USP36: variants seen among roughly 807,000 people sequenced by gnomAD.
USP36 encodes the protein ubiquitin carboxyl-terminal hydrolase 36.
A neutral mutation model predicts 111.5 loss-of-function variants in USP36; 59 were observed. The observed-to-expected ratio is 0.53, with a 90% confidence interval of 0.43 to 0.66. The LOEUF is 0.66. Among genes scored for constraint, USP36 ranks in the 30% least tolerant of loss-of-function variants. USP36 has a pLI of 0.00. For synonymous variants in USP36, 628 were observed against 581.0 expected (o/e 1.08, Z -1.16); for missense variants, 1,488 against 1,468.0 (o/e 1.01, Z -0.22).
chr17:78,817,149 AC>A (rs1325585749), intron 10 of USP36, among the ~76,000 whole-genome samples: 1 of 152,240 alleles, frequency 6.6e-6, no homozygotes, highest in Non-Finnish European at 1.5e-5. Flanking sequence ...CAGGACAGGA[AC>A]AGGCTGTGTA....
At chr17:78,814,926 G>A (rs893493229) in intron 10 of USP36, among the ~76,000 whole-genome samples, 1 of 151,630 alleles carries the variant, frequency 6.6e-6, no homozygotes. Context: ...ACTCAGCCTG[G>A]GCGACAGAGC....
rs1474912943 is a variant in USP36 at position 78,798,154 on chromosome 17, A to G, written c.*20+246T>C. 1 of 498,890 alleles carries G rather than the reference A, an allele frequency of 2.0e-6. No homozygotes were observed. The allele number at this position is 498,890 out of a possible 1,614,324, so 30.9% of individuals were successfully genotyped here. On this transcript the variant is annotated intron_variant, in intron 20 of 20. Transcript: ENST00000449938. This position sits in a 1 kb window ranked among gnomAD's most constrained non-coding sequence, Gnocchi z 5.1. ...CCCACACCCAACACACACTACACAC[A>G]CCCCCTTATACACACGCATCCCACA...
intron 13 of USP36, among the ~76,000 whole-genome samples, chr17:78,808,975 G>A (rs1235802667): frequency 6.6e-6 from 1 of 152,106 alleles, no homozygotes; most frequent in Non-Finnish European, 1.5e-5. Flanking sequence ...CATGAAATCT[G>A]ATGCAAAATG....
intron 3 of USP36, among the ~76,000 whole-genome samples, chr17:78,789,158 T>C (rs1317718): frequency 0.27 from 38,482 of 143,842 alleles, 6,121 homozygotes; most frequent in East Asian, 0.37. Context: ...GATTGCGCCA[T>C]TGCACCCCAG....
chr17:78,827,439 T>TC (rs1270871933), intron 5 of USP36, 92 bp from the exon 6 acceptor site: 1 of 1,269,268 alleles, frequency 7.9e-7, no homozygotes, highest in Non-Finnish European at 1.1e-6. Context: ...CTGGCTGTTA[T>TC]AAGGGGAAAA....
intron 4 of USP36, among the ~76,000 whole-genome samples, chr17:78,830,543 G>A (rs1363920215): frequency 1.3e-5 from 2 of 152,184 alleles, no homozygotes; most frequent in East Asian, 3.9e-4. Context: ...CTGGACCAAA[G>A]GGCAAGCACG....
rs558007542 is a variant in USP36 at position 78,813,820 on chromosome 17, G to A, written c.1218C>T (p.Asn406=). 19 of 1,614,120 alleles carry A rather than the reference G, an allele frequency of 1.2e-5. No homozygotes were observed. The Admixed American group carries it at 1.3e-4, about 11-fold the overall frequency. ...QMNDSLVHSS[N]VKVVLNQQAY... is the part of the protein sequence containing the mutation. ...CCTGCTGGTTCAGAACCACCTTGAC[G>A]TTGCTGGAATGGACCAAGGAATCAT... The change falls in exon 12 of 21, where the codon AAC becomes AAT. Residue 406 remains asparagine (N), a synonymous_variant. Coordinates refer to ENST00000449938, the MANE Select transcript of USP36 (RefSeq NM_001385174.1).
Position 78,802,466 on chromosome 17 carries a change from T to C in USP36, c.2880A>G (p.Lys960=), listed in dbSNP as rs200013772. The C allele has an allele frequency of 3.8e-4, 612 of 1,609,142 alleles. 5 individuals are homozygous for C. In the African/African-American group the frequency reaches 6.5e-3, roughly 17 times the overall value. ...EESPRKKKKK[K]RKQETQRAVE... ...CTGCCCGCTGTGTCTCCTGCTTTCT[T>C]TTTTTCTTTTTCTTTTTCCTTGGAG... Residue 960 remains lysine (K), a synonymous_variant, in exon 17 of 21, where the codon AAA becomes AAG. Coordinates refer to ENST00000449938, the MANE Select transcript of USP36 (RefSeq NM_001385174.1).
chr17:78,836,483 C>T, intron 2 of USP36, 111 bp from the exon 3 acceptor site: 2 of 1,400,248 alleles, frequency 1.4e-6, no homozygotes, highest in South Asian at 1.5e-5. Flanking sequence ...ACAAAAGCTC[C>T]CCTGGATCAG....
rs781557175 is a variant in USP36 at position 78,807,101 on chromosome 17, G to C, written c.1943C>G (p.Ala648Gly). ...CDSQETNCST[A>G]GHSKTPPSGA... ...ACTTGGCGGCGTTTTGGAGTGGCCA[G>C]CGGTGGAACAGTTCGTTTCCTGAGA... Residue 648 changes from alanine to glycine, a missense_variant, in exon 14 of 21, where the codon GCT becomes GGT. Coordinates refer to ENST00000449938, the MANE Select transcript of USP36 (RefSeq NM_001385174.1). 1 of 1,614,148 alleles carries C rather than the reference G, an allele frequency of 6.2e-7. No homozygotes were observed. The highest frequency in any genetic ancestry group is 2.2e-5 in the East Asian group (1 of 44,892).
At chr17:78,831,753 G>T (rs1361417268) in intron 4 of USP36, among the ~76,000 whole-genome samples, 1 of 151,832 alleles carries the variant, frequency 6.6e-6, no homozygotes, top group African/African-American at 2.4e-5. Flanking sequence ...ACCAGCCTGG[G>T]CAACACTGCC....
chr17:78,840,323 G>C (rs1019465140), intron 1 of USP36: 1 of 151,354 alleles, frequency 6.6e-6, no homozygotes, highest in Admixed American at 6.6e-5. Flanking sequence ...CGAGGAAGGT[G>C]CCCGCCCCGG....
At chr17:78,818,485 T>C (rs895323538) in intron 10 of USP36, among the ~76,000 whole-genome samples, 182 bp downstream of exon 10, 1 of 152,218 alleles carries the variant, frequency 6.6e-6, no homozygotes, top group Non-Finnish European at 1.5e-5. Flanking sequence ...TGTGACTGTC[T>C]TCCCGTCCTG....
At position 78,835,498 on chromosome 17, in the gene USP36, C is replaced by A; in HGVS notation, c.257G>T (p.Ser86Ile). The change falls in exon 4 of 21, where the codon AGT becomes ATT. Residue 86 changes from serine to isoleucine, a missense_variant. By Grantham distance (142) the Ser-to-Ile change is moderately radical (BLOSUM62 -2). This residue lies in a region of USP36 where 219 missense variants were observed against 209.5 expected (regional missense o/e 1.05). Transcript: ENST00000449938. ...ACCACAGCTCTCATACGTGTGCTCA[C>A]TGCCTGAGGAAGAAAGGGACAAGGG... ...GDDPPARRQG[S>I]EHTYESCGDG... The A allele has an allele frequency of 6.3e-7, 1 of 1,597,124 alleles. No individual in the cohort carries two copies. Among genetic ancestry groups the A allele is most frequent in the Non-Finnish European group, 8.5e-7 (1 of 1,171,212 alleles).
rs747662867 is a variant in USP36 at position 78,803,536 on chromosome 17, G to A, written c.2659C>T (p.Arg887Trp). The change falls in exon 16 of 21, where the codon CGG becomes TGG. Residue 887 changes from arginine to tryptophan, a missense_variant. Physicochemically the swap from Arg to Trp is moderately radical, Grantham distance 101 (BLOSUM62 -3). Transcript: ENST00000449938. This position sits in a 1 kb window ranked among gnomAD's most constrained non-coding sequence, Gnocchi z 4.6. ...TGTGGCTGTGTGCCATCTTCCTGCC[G>A]TCTGACAGCGGGCAGCTGTGCCTGG... ...EGQAQLPAVR[R>W]QEDGTQPQVN... 2.9e-5 allele frequency: 46 copies of A among 1,613,558 alleles called. No individual in the cohort carries two copies. Among genetic ancestry groups the A allele is most frequent in the Admixed American group, 5.0e-5 (3 of 60,004 alleles).
chr17:78,820,067 C>G (rs1380928390), intron 8 of USP36, 55 bp from the exon 9 acceptor site: 11 of 1,568,498 alleles, frequency 7.0e-6, no homozygotes, highest in Non-Finnish European at 9.6e-6. Context: ...AAGGCTGATT[C>G]AAGAAATGCC....
intron 4 of USP36, among the ~76,000 whole-genome samples, chr17:78,830,728 G>A (rs2068005931): frequency 6.6e-6 from 1 of 152,032 alleles, no homozygotes; most frequent in Non-Finnish European, 1.5e-5. Flanking sequence ...TTAGCAAATA[G>A]ACATTAAAAT....
rs116276318 is a variant in USP36, at chr17:78,836,844, C to T, written c.-9-472G>A. Among the ~76,000 whole-genome samples the T allele has an allele frequency of 2.6e-3, 396 of 152,190 alleles. 1 individual carries two copies. Among genetic ancestry groups the T allele is most frequent in the African/African-American group, 9.2e-3 (384 of 41,520 alleles). Reference sequence around the variant, plus strand: ...AAACGGACACACACACACACACCCACGCAATAAATGAATTAGCATGCAGGT... The same window carrying T: ...AAACGGACACACACACACACACCCATGCAATAAATGAATTAGCATGCAGGT... On this transcript the variant is annotated intron_variant, in intron 2 of 20. Transcript: ENST00000449938.
chr17:78,819,370 G>C (rs1039770203), intron 9 of USP36, among the ~76,000 whole-genome samples: 1 of 152,188 alleles, frequency 6.6e-6, no homozygotes, highest in Non-Finnish European at 1.5e-5. Context: ...TCAGGAGTTC[G>C]AGACCAGCCT....
Sources: gnomAD v4.1 joint callset for allele counts (sites outside exome capture counted in the v4.1 genomes callset) on GRCh38, gnomAD v4.1.1 for gene constraint, gnomAD v4.1.1 regional missense constraint, Gnocchi (gnomAD v3.1) non-coding constraint, MANE v1.5 for transcripts, NCBI Gene and HGNC (gene_info 2026-07-23, HGNC 2026-07-21) for gene names.